The following CCDC146 variants were observed in gnomAD, a reference collection of about 807,000 sequenced individuals.
CCDC146 encodes coiled-coil domain containing 146.
In CCDC146, 92 loss-of-function variants were observed where a neutral mutation model predicts 119.3. That is an observed-to-expected ratio of 0.77 (90% CI 0.65 to 0.92). The LOEUF is 0.92. CCDC146 is among the 40% of genes least tolerant of loss of function. The pLI is 0.00. For synonymous variants in CCDC146, 372 were observed against 371.8 expected (o/e 1.00, Z -0.01); for missense variants, 1,000 against 1,103.0 (o/e 0.91, Z 1.32).
At chr7:77,278,356 T>A (rs1174454567) in intron 11 of CCDC146, among the ~76,000 whole-genome samples, 5 of 151,986 alleles carry the variant, frequency 3.3e-5, no homozygotes, top group Admixed American at 3.3e-4. Flanking sequence ...CCAATGTGAA[T>A]CAGTTCAGCT....
chr7:77,174,520 T>C (rs1791473359), intron 2 of CCDC146, among the ~76,000 whole-genome samples: 1 of 152,160 alleles, frequency 6.6e-6, no homozygotes, highest in Non-Finnish European at 1.5e-5. Flanking sequence ...TGCAGAAATT[T>C]CTAGAATGAG....
chr7:77,287,715 G>C, intron 17 of CCDC146, 138 bp downstream of exon 17: 1 of 870,252 alleles, frequency 1.1e-6, no homozygotes, highest in East Asian at 2.7e-5. Flanking sequence ...AAAACGAAAG[G>C]ATGACTCAGA....
At chr7:77,242,884 C>T (rs1304210078) in intron 4 of CCDC146, among the ~76,000 whole-genome samples, 5 of 42,300 alleles carry the variant, frequency 1.2e-4, no homozygotes, top group Admixed American at 6.9e-4. Flanking sequence ...TTTTCACTGG[C>T]GGTGGGTGGG....
chr7:77,160,122 A>G (rs1791236483), intron 1 of CCDC146, among the ~76,000 whole-genome samples: 2 of 152,072 alleles, frequency 1.3e-5, no homozygotes, highest in South Asian at 4.1e-4. Flanking sequence ...TGTTCCATTG[A>G]TCTATATCTC....
Position 77,256,456 on chromosome 7 carries a change from T to C in CCDC146, c.631T>C (p.Leu211=), listed in dbSNP as rs2150508866. 1 of 1,608,190 alleles carries C rather than the reference T, an allele frequency of 6.2e-7. No homozygotes were observed. Among genetic ancestry groups the C allele is most frequent in the Non-Finnish European group, 8.5e-7 (1 of 1,178,520 alleles). The change falls in exon 6 of 19, where the codon TTA becomes CTA. Residue 211 remains leucine (L), a synonymous_variant. Transcript: ENST00000285871. ...TTTGGCATCTAAACAAAAGCAATTA[T>C]TAAAAGAGCAGAAGGAACTAGAAGA... is the stretch of plus-strand genomic sequence containing the variant. ...EDLASKQKQL[L]KEQKELEELL... is the part of the protein sequence containing the mutation.
At chr7:77,276,811 C>T (rs1793653290) in intron 11 of CCDC146, among the ~76,000 whole-genome samples, 4 of 152,220 alleles carry the variant, frequency 2.6e-5, no homozygotes, top group African/African-American at 7.2e-5. Context: ...TCTCTCACGC[C>T]TGTAATCCCA....
intron 2 of CCDC146, among the ~76,000 whole-genome samples, chr7:77,211,573 A>C (rs1020026233): frequency 6.6e-6 from 1 of 152,020 alleles, no homozygotes; most frequent in African/African-American, 2.4e-5. Context: ...TTGCTTTGTT[A>C]CAGGGTTTGT....
chr7:77,228,600 A>G (rs1792562696), intron 2 of CCDC146, among the ~76,000 whole-genome samples: 2 of 152,212 alleles, frequency 1.3e-5, no homozygotes, highest in Non-Finnish European at 2.9e-5. Flanking sequence ...TGCTATTGTG[A>G]ATAGTGCTGC....
In CCDC146 at chr7:77,143,130, C is replaced by T. The variant is rs141640079; in HGVS notation, c.-12+20398C>T. 7.0e-3 allele frequency among the ~76,000 whole-genome samples: 1,068 copies of T among 151,934 alleles called. 61 individuals are homozygous for T. The East Asian group carries it at 0.14, about 20-fold the overall frequency. ...TTCTAACTGGTGTGAGATGGTATCTCACTGTGGTTTTAATTTGCATTTCTC... is the reference window on the plus strand; with the variant it reads ...TTCTAACTGGTGTGAGATGGTATCTTACTGTGGTTTTAATTTGCATTTCTC... On this transcript the variant is annotated intron_variant, in intron 1 of 18. Coordinates refer to ENST00000285871, the MANE Select transcript of CCDC146 (RefSeq NM_020879.3).
At chr7:77,149,304 T>C (rs1314495782) in intron 1 of CCDC146, among the ~76,000 whole-genome samples, 1 of 152,190 alleles carries the variant, frequency 6.6e-6, no homozygotes, top group Non-Finnish European at 1.5e-5. Flanking sequence ...GATCCCTTCC[T>C]TACACCTTAT....
At chr7:77,135,712 A>G (rs531718010) in intron 1 of CCDC146, among the ~76,000 whole-genome samples, 1 of 152,342 alleles carries the variant, frequency 6.6e-6, no homozygotes, top group African/African-American at 2.4e-5. Context: ...ACCAATTAAA[A>G]GACAGAGATT....
chr7:77,251,383 G>A (rs1793058033), intron 4 of CCDC146, among the ~76,000 whole-genome samples: 2 of 151,968 alleles, frequency 1.3e-5, no homozygotes, highest in South Asian at 4.1e-4. Flanking sequence ...GCCCATTTCG[G>A]GATTGAGTTT....
At chr7:77,148,612 A>G (rs1282369142) in intron 1 of CCDC146, among the ~76,000 whole-genome samples, 1 of 152,114 alleles carries the variant, frequency 6.6e-6, no homozygotes, top group African/African-American at 2.4e-5. Flanking sequence ...CCTTAAGCTG[A>G]TGAGCAACTT....
chr7:77,188,934 A>G (rs1249063075), intron 2 of CCDC146, among the ~76,000 whole-genome samples: 1 of 152,086 alleles, frequency 6.6e-6, no homozygotes, highest in African/African-American at 2.4e-5. Flanking sequence ...GCTCCTCCTC[A>G]TCTCCAACTT....
rs1471379433 is a variant in CCDC146 at position 77,203,041 on chromosome 7, C to CAG, written c.157-33906_157-33905insAG. Reference sequence around the variant, plus strand: ...GAAAATAAAATACTTGCCCCCCCCCCCCCCAGGACTATTTTAGGAATGAAT... The same window carrying CAG: ...GAAAATAAAATACTTGCCCCCCCCCCAGCCCCAGGACTATTTTAGGAATGAAT... On this transcript the variant is annotated intron_variant, in intron 2 of 18. Coordinates refer to ENST00000285871, the MANE Select transcript of CCDC146 (RefSeq NM_020879.3). Among the ~76,000 whole-genome samples the CAG allele has an allele frequency of 4.9e-5, 7 of 143,996 alleles. 1 individual carries two copies. The highest frequency in any genetic ancestry group is 1.8e-4 in the African/African-American group (7 of 38,866). The allele number at this position is 143,996 out of a possible 152,430, so 94.5% of individuals were successfully genotyped here.
chr7:77,192,422 T>G (rs140043181), intron 2 of CCDC146, among the ~76,000 whole-genome samples: 6 of 152,312 alleles, frequency 3.9e-5, no homozygotes, highest in African/African-American at 1.4e-4. Context: ...GAGTTCCTGC[T>G]GTTAATCATG....
intron 11 of CCDC146, 127 bp downstream of exon 11, chr7:77,274,779 C>G (rs1221578451): frequency 7.5e-6 from 5 of 668,576 alleles, no homozygotes; most frequent in East Asian, 2.8e-5. Flanking sequence ...ATCGCAAGGA[C>G]AAAAAACCAA....
intron 2 of CCDC146, 76 bp from the exon 3 acceptor site, chr7:77,236,871 C>A: frequency 9.5e-7 from 1 of 1,053,374 alleles, no homozygotes; most frequent in Non-Finnish European, 1.5e-6. Context: ...TATAAGATAA[C>A]CATATATCCA....
At chr7:77,160,316 G>A (rs1480116380) in intron 1 of CCDC146, among the ~76,000 whole-genome samples, 5 of 152,138 alleles carry the variant, frequency 3.3e-5, no homozygotes, top group Non-Finnish European at 5.9e-5. Flanking sequence ...AAAGTAATTG[G>A]TAGCTTGATG....
Sources: allele counts gnomAD v4.1 joint callset (sites outside exome capture counted in the v4.1 genomes callset), GRCh38; gene constraint gnomAD v4.1.1; transcripts MANE v1.5; gene names NCBI Gene and HGNC (gene_info 2026-07-23, HGNC 2026-07-21).